Variants in NRG3 observed in about 807,000 individuals in gnomAD.
NRG3 encodes neuregulin 3.
NRG3 carries 31 observed loss-of-function variants against 66.9 expected under a neutral mutation model. That is an observed-to-expected ratio of 0.46 (90% CI 0.35 to 0.63). The LOEUF is 0.63. NRG3 is among the 20% of genes least tolerant of loss of function. NRG3 has a pLI of 0.00. For synonymous variants in NRG3, 393 were observed against 359.4 expected (o/e 1.09, Z -1.06); for missense variants, 910 against 878.9 (o/e 1.04, Z -0.45).
intron 2 of NRG3, among the ~76,000 whole-genome samples, chr10:82,638,578 A>C (rs973610927): frequency 6.6e-6 from 1 of 152,130 alleles, no homozygotes; most frequent in South Asian, 2.1e-4. Context: ...TGTTGCTGTG[A>C]ATGACTTCTT....
At chr10:82,575,765 G>T (rs1251027028) in intron 2 of NRG3, among the ~76,000 whole-genome samples, 1 of 151,690 alleles carries the variant, frequency 6.6e-6, no homozygotes, top group Non-Finnish European at 1.5e-5. Flanking sequence ...CAGAAGAATT[G>T]GGTCTTGTTT....
intron 1 of NRG3, among the ~76,000 whole-genome samples, chr10:82,005,418 G>GT: frequency 6.6e-6 from 1 of 152,256 alleles, no homozygotes; most frequent in Non-Finnish European, 1.5e-5. Flanking sequence ...ATAAACATTT[G>GT]AAAGTTTAGT....
chr10:81,947,378 C>CT (rs1275252096), intron 1 of NRG3, among the ~76,000 whole-genome samples: 1 of 152,096 alleles, frequency 6.6e-6, no homozygotes, highest in African/African-American at 2.4e-5. Context: ...TTCAACTTAT[C>CT]TTTTTGGAGG....
intron 1 of NRG3, among the ~76,000 whole-genome samples, chr10:82,112,138 G>A (rs2067423725): frequency 6.6e-6 from 1 of 152,138 alleles, no homozygotes; most frequent in African/African-American, 2.4e-5. Context: ...CAGCTACTCA[G>A]GAGGCTGGTG....
chr10:81,919,495 T>C (rs1846045871), intron 1 of NRG3, among the ~76,000 whole-genome samples: 2 of 150,754 alleles, frequency 1.3e-5, no homozygotes, highest in African/African-American at 5.0e-5. Context: ...CCTGGGGTGT[T>C]ATTTTCATTA....
intron 2 of NRG3, among the ~76,000 whole-genome samples, chr10:82,648,309 A>T (rs28828802): frequency 1.3e-5 from 2 of 151,572 alleles, no homozygotes; most frequent in African/African-American, 4.8e-5. Context: ...AAGATCAGAT[A>T]GTTGTAGATA....
At chr10:82,486,245 A>G (rs984581117) in intron 2 of NRG3, among the ~76,000 whole-genome samples, 1 of 152,208 alleles carries the variant, frequency 6.6e-6, no homozygotes, top group Non-Finnish European at 1.5e-5. Flanking sequence ...TGAAAACAGT[A>G]TGAATGTTCC....
chr10:82,080,501 T>G (rs192253022), intron 1 of NRG3, among the ~76,000 whole-genome samples: 2 of 152,116 alleles, frequency 1.3e-5, no homozygotes, highest in Admixed American at 6.5e-5. Context: ...CCAAGACCCT[T>G]CTGCAGCTGG....
chr10:82,707,757 C>A (rs2056401626), intron 2 of NRG3, among the ~76,000 whole-genome samples: 1 of 148,630 alleles, frequency 6.7e-6, no homozygotes, highest in Non-Finnish European at 1.5e-5. Context: ...GCCTGTAATT[C>A]CAGCACTTTG....
chr10:82,873,384 G>T (rs913664352), intron 4 of NRG3, among the ~76,000 whole-genome samples: 2 of 152,070 alleles, frequency 1.3e-5, no homozygotes, highest in Non-Finnish European at 2.9e-5. Flanking sequence ...GATTTTTACA[G>T]TCAGATGTTT....
intron 1 of NRG3, among the ~76,000 whole-genome samples, chr10:82,151,583 A>G (rs2132792571): frequency 6.6e-6 from 1 of 152,228 alleles, no homozygotes; most frequent in Admixed American, 6.5e-5. Context: ...TGGATGTCCC[A>G]TCTCACTTAG....
At chr10:82,278,337 T>C (rs7085184) in intron 1 of NRG3, among the ~76,000 whole-genome samples, 47,917 of 151,942 alleles carry the variant, frequency 0.32, 7,763 homozygotes, top group African/African-American at 0.37. Flanking sequence ...CACATCTTGC[T>C]GAGGAATTCT....
chr10:82,313,823 T>C (rs1269919775), intron 1 of NRG3, among the ~76,000 whole-genome samples: 3 of 152,202 alleles, frequency 2.0e-5, no homozygotes. Flanking sequence ...AACAGAAGAA[T>C]GGCTAAATGA....
chr10:82,228,430 A>T (rs10786979), intron 1 of NRG3, among the ~76,000 whole-genome samples: 15,812 of 152,174 alleles, frequency 0.1, 820 homozygotes, highest in African/African-American at 0.12. Flanking sequence ...GTGGGAATAA[A>T]ACTTAACCTA....
rs1564674211 is a variant in NRG3, at chr10:81,938,643, A to ATGTGTGTGTGTGTGTG, written c.823+62482_823+62483insTGTGTGTGTGTGTGTG. Among the ~76,000 whole-genome samples the ATGTGTGTGTGTGTGTG allele has an allele frequency of 5.8e-4, 85 of 145,796 alleles. 1 individual carries two copies. Among genetic ancestry groups the ATGTGTGTGTGTGTGTG allele is most frequent in the African/African-American group, 2.0e-3 (76 of 38,954 alleles). Reference sequence around the variant, plus strand: ...AGTGTGTGTGTGTGTGTGTGTGTGCATGCATGCATGCATGCAAAAATTTTA... The same window carrying ATGTGTGTGTGTGTGTG: ...AGTGTGTGTGTGTGTGTGTGTGTGCATGTGTGTGTGTGTGTGTGCATGCATGCATGCAAAAATTTTA... On this transcript the variant is annotated intron_variant, in intron 1 of 8. Transcript: ENST00000372141.
intron 1 of NRG3, among the ~76,000 whole-genome samples, chr10:81,955,438 T>G (rs1372199193): frequency 6.6e-6 from 1 of 152,084 alleles, no homozygotes; most frequent in Non-Finnish European, 1.5e-5. Flanking sequence ...TGGCCATTTA[T>G]TTTAGTTCTG....
chr10:82,252,554 A>C (rs1287064217), intron 1 of NRG3, among the ~76,000 whole-genome samples: 1 of 152,214 alleles, frequency 6.6e-6, no homozygotes, highest in African/African-American at 2.4e-5. Flanking sequence ...TGAGATTCAG[A>C]AAACTTGTGT....
At chr10:82,764,668 A>G (rs1378605839) in intron 3 of NRG3, among the ~76,000 whole-genome samples, 1 of 152,062 alleles carries the variant, frequency 6.6e-6, no homozygotes, top group East Asian at 1.9e-4. Context: ...GAGCCACCAC[A>G]CCCAGCCAGC....
intron 2 of NRG3, among the ~76,000 whole-genome samples, chr10:82,491,227 T>C (rs1416333817): frequency 6.9e-6 from 1 of 144,848 alleles, no homozygotes; most frequent in Non-Finnish European, 1.5e-5. Flanking sequence ...CTCTGAACTA[T>C]CTAACGAAGT....
Sources: allele counts gnomAD v4.1 joint callset (sites outside exome capture counted in the v4.1 genomes callset), GRCh38; gene constraint gnomAD v4.1.1; transcripts MANE v1.5; gene names NCBI Gene and HGNC (gene_info 2026-07-23, HGNC 2026-07-21).